The following DENND1A variants were observed in gnomAD, a reference collection of about 807,000 sequenced individuals.
The protein encoded by DENND1A is DENN domain-containing protein 1A.
A neutral mutation model predicts 113.7 loss-of-function variants in DENND1A; 51 were observed. The observed-to-expected ratio is 0.45, with a 90% CI of 0.36 to 0.57. The LOEUF is 0.57. Among genes scored for constraint, DENND1A ranks in the 20% least tolerant of loss-of-function variants. The pLI is 0.00. For missense variants in DENND1A, 1,258 were observed against 1,395.9 expected, an observed-to-expected ratio of 0.90 and a Z score of 1.57; for synonymous variants, 565 against 570.8, an observed-to-expected ratio of 0.99 and a Z score of 0.14.
chr9:123,618,180 A>T (rs1333008667), intron 10 of DENND1A, among the ~76,000 whole-genome samples: 3 of 152,234 alleles, frequency 2.0e-5, no homozygotes, highest in Non-Finnish European at 4.4e-5. Flanking sequence ...CACTATCTCC[A>T]GAAGCCCTGC....
chr9:123,821,674 G>A (rs190927193), intron 2 of DENND1A, among the ~76,000 whole-genome samples: 1 of 152,300 alleles, frequency 6.6e-6, no homozygotes, highest in East Asian at 1.9e-4. Context: ...AACTCTAACA[G>A]TTTCAAACAG....
intron 13 of DENND1A, among the ~76,000 whole-genome samples, chr9:123,465,990 AT>A (rs1218772490): frequency 4.0e-5 from 6 of 151,692 alleles, no homozygotes; most frequent in Non-Finnish European, 8.8e-5. Flanking sequence ...CATTGTTTTT[AT>A]TTCTTTTTTT....
chr9:123,782,873 C>A (rs78282207), intron 3 of DENND1A, among the ~76,000 whole-genome samples: 168 of 151,700 alleles, frequency 1.1e-3, no homozygotes, highest in African/African-American at 3.9e-3. Flanking sequence ...CAGCTCCCCC[C>A]GCTCACATAC....
In DENND1A at chr9:123,383,836, C is replaced by T. The variant is rs546579684; in HGVS notation, c.1838G>A (p.Arg613Gln). The change falls in exon 23 of 24, where the codon CGG becomes CAG. Residue 613 changes from arginine to glutamine, a missense_variant. Arg to Gln is a conservative substitution (Grantham distance 43, BLOSUM62 1). Coordinates refer to ENST00000394215, the MANE Select transcript of DENND1A (RefSeq NM_001352964.2). ...AGCTGGGACAGGGCCTGTGGACTTC[C>T]GCACTTGCTGCTCTGGACTCTCTGC... ...DEAESPEQQV[R>Q]KSTGPVPAPP... 222 of 1,613,880 alleles carry T rather than the reference C, an allele frequency of 1.4e-4. No individual in the cohort carries two copies. In the South Asian group the frequency reaches 2.0e-3, roughly 14 times the overall value.
At chr9:123,438,305 C>T (rs766419355) in intron 19 of DENND1A, among the ~76,000 whole-genome samples, 7 of 152,176 alleles carry the variant, frequency 4.6e-5, no homozygotes, top group Non-Finnish European at 8.8e-5. Flanking sequence ...GCCCCCCTCC[C>T]TCTGCAGCTA....
At chr9:123,613,844 G>A (rs749418456) in intron 10 of DENND1A, among the ~76,000 whole-genome samples, 2 of 152,204 alleles carry the variant, frequency 1.3e-5, no homozygotes, top group Non-Finnish European at 2.9e-5. Context: ...GGGTATATCT[G>A]TATGAAGCTT....
chr9:123,430,483 T>C (rs186570474), intron 19 of DENND1A, among the ~76,000 whole-genome samples: 1 of 152,320 alleles, frequency 6.6e-6, no homozygotes, highest in Admixed American at 6.5e-5. Flanking sequence ...CATGGAATAC[T>C]ATGCAGCCAT....
At chr9:123,646,902 C>T (rs1044248081) in intron 9 of DENND1A, among the ~76,000 whole-genome samples, 1 of 152,026 alleles carries the variant, frequency 6.6e-6, no homozygotes, top group African/African-American at 2.4e-5. Context: ...GGAGTACAGG[C>T]CCAGGAAGCT....
intron 8 of DENND1A, among the ~76,000 whole-genome samples, chr9:123,653,365 C>T (rs1023828613): frequency 2.0e-5 from 3 of 152,172 alleles, no homozygotes; most frequent in African/African-American, 4.8e-5. Context: ...TCCAGTGAGG[C>T]GTTATTCTTT....
intron 10 of DENND1A, among the ~76,000 whole-genome samples, chr9:123,628,006 A>T (rs2061317027): frequency 6.6e-6 from 1 of 152,122 alleles, no homozygotes; most frequent in African/African-American, 2.4e-5. Context: ...AACAGAGAAG[A>T]GATTCAGAGA....
At chr9:123,457,536 AAAGT>A in intron 14 of DENND1A, 101 bp from the exon 15 acceptor site, 2 of 1,021,914 alleles carry the variant, frequency 2.0e-6, no homozygotes, top group Non-Finnish European at 1.5e-6. Context: ...GAGTTTTCAA[AAAGT>A]AAGGTTCAAC....
At chr9:123,660,778 G>A (rs2063195438) in intron 8 of DENND1A, among the ~76,000 whole-genome samples, 1 of 152,208 alleles carries the variant, frequency 6.6e-6, no homozygotes, top group Non-Finnish European at 1.5e-5. Flanking sequence ...CCAAAAAACA[G>A]GAGAAGAATT....
At chr9:123,421,677 C>G (rs1292025868) in intron 19 of DENND1A, among the ~76,000 whole-genome samples, 6 of 152,192 alleles carry the variant, frequency 3.9e-5, no homozygotes, top group Non-Finnish European at 7.4e-5. Flanking sequence ...GATGTCCACC[C>G]TAACAGGATG....
intron 2 of DENND1A, among the ~76,000 whole-genome samples, chr9:123,861,206 A>G (rs1845011563): frequency 6.6e-6 from 1 of 152,174 alleles, no homozygotes; most frequent in Non-Finnish European, 1.5e-5. Flanking sequence ...CTATTCTGCC[A>G]TCTCAATTTA....
At chr9:123,578,240 TA>T (rs2058720503) in intron 12 of DENND1A, among the ~76,000 whole-genome samples, 2 of 152,230 alleles carry the variant, frequency 1.3e-5, no homozygotes, top group Non-Finnish European at 2.9e-5. Context: ...CTAGTACCAA[TA>T]TCCAGAAAAT....
intron 13 of DENND1A, among the ~76,000 whole-genome samples, chr9:123,490,117 G>A (rs2051242441): frequency 6.6e-6 from 1 of 152,186 alleles, no homozygotes; most frequent in South Asian, 2.1e-4. Context: ...AGGCCGGCCT[G>A]TTTTGAAAAC....
chr9:123,531,925 G>T (rs1004319846), intron 13 of DENND1A, among the ~76,000 whole-genome samples: 1 of 152,184 alleles, frequency 6.6e-6, no homozygotes, highest in Non-Finnish European at 1.5e-5. Flanking sequence ...GCGAGAAGAG[G>T]ACAGAAAATC....
chr9:123,510,323 G>A (rs777152929), intron 13 of DENND1A, among the ~76,000 whole-genome samples: 3 of 152,194 alleles, frequency 2.0e-5, no homozygotes, highest in African/African-American at 4.8e-5. Context: ...CATGTTATGC[G>A]GTCATATGAA....
rs367616565 is a variant in DENND1A, at chr9:123,768,142, C to T, written c.182+1372G>A. Among the ~76,000 whole-genome samples the T allele has an allele frequency of 2.6e-5, 4 of 152,268 alleles. No homozygotes were observed. The East Asian group carries it at 5.8e-4, about 22-fold the overall frequency. On this transcript the variant is annotated intron_variant, in intron 4 of 23. Coordinates refer to ENST00000394215, the MANE Select transcript of DENND1A (RefSeq NM_001352964.2). The stretch of plus-strand genomic sequence containing the variant: ...TGACCCTCTTAGAATTAAGGCTATT[C>T]TTTTTTGAGCATCAACCTGCTACTG...
Sources: gnomAD v4.1 joint callset for allele counts (sites outside exome capture counted in the v4.1 genomes callset) on GRCh38, gnomAD v4.1.1 for gene constraint, MANE v1.5 for transcripts, NCBI Gene and HGNC (gene_info 2026-07-23, HGNC 2026-07-21) for gene names.